The following NAP1L1 variants were observed in gnomAD, a reference collection of about 807,000 sequenced individuals.
The protein encoded by NAP1L1 is nucleosome assembly protein 1 like 1, also known as nucleosome assembly protein 1-like 1.
In NAP1L1, 9 loss-of-function variants were observed where a neutral mutation model predicts 58.9. That is an observed-to-expected ratio of 0.15 (90% CI 0.09 to 0.27). The LOEUF (loss-of-function observed/expected upper bound fraction) is 0.27, where lower values mean the gene tolerates loss of function less well. NAP1L1 is among the 10% of genes least tolerant of loss of function. The pLI, the probability that NAP1L1 is intolerant of heterozygous loss-of-function variation, is 1.00. For synonymous variants in NAP1L1, 130 were observed against 138.3 expected, an observed-to-expected ratio of 0.94 and a Z score of 0.42; for missense variants, 302 against 458.8, an observed-to-expected ratio of 0.66 and a Z score of 3.12.
chr12:76,054,760 G>A (rs544792004), intron 8 of NAP1L1, among the ~76,000 whole-genome samples: 7 of 152,150 alleles, frequency 4.6e-5, no homozygotes, highest in Non-Finnish European at 1.0e-4. Context: ...TTTTAATGCA[G>A]AAAAAGTACT....
At chr12:76,071,027 AGTT>A (rs750827557) in intron 2 of NAP1L1, among the ~76,000 whole-genome samples, 4 of 152,002 alleles carry the variant, frequency 2.6e-5, no homozygotes, top group South Asian at 2.1e-4. Flanking sequence ...AACAAACAAT[AGTT>A]GTTATGTTCT....
intron 4 of NAP1L1, among the ~76,000 whole-genome samples, chr12:76,067,004 A>G (rs1207105974): frequency 6.6e-6 from 1 of 152,106 alleles, no homozygotes; most frequent in African/African-American, 2.4e-5. Flanking sequence ...AAATCACAAA[A>G]AAGTTTTTTA....
intron 1 of NAP1L1, among the ~76,000 whole-genome samples, chr12:76,076,992 C>T (rs535083386): frequency 1.3e-5 from 2 of 152,226 alleles, no homozygotes; most frequent in East Asian, 3.9e-4. Flanking sequence ...ATAATAATTT[C>T]CAATACACAA....
chr12:76,053,168 A>G lies in NAP1L1; in HGVS notation c.916+37T>C, dbSNP rs758946449. 31 of 1,612,198 alleles carry G rather than the reference A, an allele frequency of 1.9e-5. No individual in the cohort carries two copies. In the East Asian group the frequency reaches 6.9e-4, roughly 36 times the overall value. On this transcript the variant is annotated intron_variant, in intron 10 of 14. Coordinates refer to ENST00000618691, the MANE Select transcript of NAP1L1 (RefSeq NM_004537.7). ...AAGAAGCTAAGCAATGCTTTTTATA[A>G]AACAACCGTTAATACTCAAGCTAAA...
At chr12:76,052,955 A>T in intron 11 of NAP1L1, 136 bp downstream of exon 11, 1 of 653,182 alleles carries the variant, frequency 1.5e-6, no homozygotes, top group Non-Finnish European at 2.5e-6. Context: ...TATTTTTCAT[A>T]TCCAAAAAGT....
chr12:76,078,928 A>T (rs942080561), intron 1 of NAP1L1, among the ~76,000 whole-genome samples: 3 of 152,190 alleles, frequency 2.0e-5, no homozygotes, highest in Non-Finnish European at 4.4e-5. Context: ...GATGAAAGAC[A>T]CCAATCCACA....
Position 76,045,312 on chromosome 12 carries a change from C to G in NAP1L1, c.*3117G>C, listed in dbSNP as rs1948590036. 4 of 152,110 alleles carry G rather than the reference C, an allele frequency of 2.6e-5. No individual in the cohort carries two copies. In the South Asian group the frequency reaches 8.3e-4, roughly 32 times the overall value. 9.4% of individuals were successfully genotyped at this position (152,110 alleles called of 1,614,324 possible). A position where few individuals can be genotyped will look rare whatever the true frequency, so the allele number is the denominator to read the frequency against. ...AAAAGGACTCCAATTTTAAACCAAT[C>G]CCTGAAACCAAAGCATTCAAATATT... On this transcript the variant is annotated 3_prime_UTR_variant, in exon 15 of 15. Transcript: ENST00000618691.
chr12:76,051,678 T>C (rs561973496), intron 11 of NAP1L1, among the ~76,000 whole-genome samples: 1 of 152,216 alleles, frequency 6.6e-6, no homozygotes, highest in African/African-American at 2.4e-5. Context: ...GATTTCTATT[T>C]AATAGAAAAG....
At chr12:76,054,480 CA>C (rs1455903811) in intron 8 of NAP1L1, among the ~76,000 whole-genome samples, 1 of 152,218 alleles carries the variant, frequency 6.6e-6, no homozygotes, top group Non-Finnish European at 1.5e-5. Context: ...CATGTTTACA[CA>C]ACAGGCTAGG....
intron 1 of NAP1L1, chr12:76,083,766 A>G (rs550440481): frequency 1.3e-5 from 2 of 152,352 alleles, no homozygotes; most frequent in Admixed American, 6.5e-5. Flanking sequence ...TGGTACCAAT[A>G]AAAAGATTAA....
intron 2 of NAP1L1, among the ~76,000 whole-genome samples, chr12:76,072,432 T>C (rs895884139): frequency 1.3e-5 from 2 of 150,910 alleles, no homozygotes; most frequent in Non-Finnish European, 3.0e-5. Flanking sequence ...GAGACAGAGA[T>C]GGAAAATAGG....
In NAP1L1 at chr12:76,053,383, T is replaced by A. The variant is rs768174452; in HGVS notation, c.771-33A>T. 3.8e-6 allele frequency: 6 copies of A among 1,594,834 alleles called. No homozygotes were observed. In the Admixed American group the frequency reaches 7.1e-5, roughly 19 times the overall value. On this transcript the variant is annotated intron_variant, in intron 9 of 14. Coordinates refer to ENST00000618691, the MANE Select transcript of NAP1L1 (RefSeq NM_004537.7). ...AACAAAGAAGAAAAATCTATTACAA[T>A]TGACAATCTTTCAACTGCTAAACTT...
intron 1 of NAP1L1, among the ~76,000 whole-genome samples, chr12:76,080,737 T>TG (rs2035090911): frequency 6.6e-6 from 1 of 152,182 alleles, no homozygotes. Flanking sequence ...CATGCTGCTA[T>TG]GGTTTGAGTA....
At position 76,075,396 on chromosome 12, in the gene NAP1L1, G is replaced by A. The variant is rs145829147; in HGVS notation, c.-20-1157C>T. On this transcript the variant is annotated intron_variant, in intron 1 of 14. Coordinates refer to ENST00000618691, the MANE Select transcript of NAP1L1 (RefSeq NM_004537.7). ...ATTTAATTCACAAAATCCTGCATGT[G>A]TTTACTTTCATAGCAACGTATTATG... 6.3e-3 allele frequency among the ~76,000 whole-genome samples: 961 copies of A among 152,280 alleles called. 9 individuals are homozygous for A. The highest frequency in any genetic ancestry group is 0.022 in the African/African-American group (924 of 41,558).
At position 76,042,005 on chromosome 12, in the gene NAP1L1, A is replaced by C. The variant is rs1291516157; in HGVS notation, c.*6424T>G. 1.3e-5 allele frequency: 2 copies of C among 152,230 alleles called. No homozygotes were observed. The highest frequency in any genetic ancestry group is 4.8e-5 in the African/African-American group (2 of 41,460). The allele number at this position is 152,230 out of a possible 1,614,324, so 9.4% of individuals were successfully genotyped here. A position where few individuals can be genotyped will look rare whatever the true frequency, so the allele number is the denominator to read the frequency against. ...ACACATGTATTAAAATAAAACAAGA[A>C]AGGAATGAGATGAGATTTTCAAACC... On this transcript the variant is annotated 3_prime_UTR_variant, in exon 15 of 15. Coordinates refer to ENST00000618691, the MANE Select transcript of NAP1L1 (RefSeq NM_004537.7).
rs2136938269 is a variant in NAP1L1, at chr12:76,045,146, C to A, written c.*3283G>T. 1 of 152,048 alleles carries A rather than the reference C, an allele frequency of 6.6e-6. No homozygotes were observed. Among genetic ancestry groups the A allele is most frequent in the African/African-American group, 2.4e-5 (1 of 41,520 alleles). 9.4% of individuals were successfully genotyped at this position (152,048 alleles called of 1,614,324 possible). On this transcript the variant is annotated 3_prime_UTR_variant, in exon 15 of 15. Transcript: ENST00000618691. The stretch of plus-strand genomic sequence containing the variant: ...AGATTAAAAAAAAACTGAATTAGCA[C>A]ATATTTCTCTTTTCTAAAGCTCCTA...
intron 4 of NAP1L1, among the ~76,000 whole-genome samples, chr12:76,066,503 T>C (rs1203833107): frequency 1.3e-5 from 2 of 150,056 alleles, no homozygotes; most frequent in Non-Finnish European, 3.0e-5. Flanking sequence ...AACAAGAAAG[T>C]GGAAAAAGGG....
At chr12:76,057,860 A>G (rs1230693132) in intron 6 of NAP1L1, 2 of 1,486,274 alleles carry the variant, frequency 1.3e-6, no homozygotes, top group East Asian at 4.8e-5. Flanking sequence ...AAACAAAAAA[A>G]CAAAGACGGT....
intron 12 of NAP1L1, 124 bp from the exon 13 acceptor site, chr12:76,049,909 G>T: frequency 1.0e-6 from 1 of 985,354 alleles, no homozygotes; most frequent in Non-Finnish European, 1.5e-6. Context: ...CCTATCAAGG[G>T]GCTGATTATA....
Sources: allele counts gnomAD v4.1 joint callset (sites outside exome capture counted in the v4.1 genomes callset), GRCh38; gene constraint gnomAD v4.1.1; transcripts MANE v1.5; gene names NCBI Gene and HGNC (gene_info 2026-07-23, HGNC 2026-07-21).